The following ERC2 variants were observed in gnomAD, a reference collection of about 807,000 sequenced individuals.
ERC2 encodes the protein ERC protein 2.
In ERC2, 42 loss-of-function variants were observed where a neutral mutation model predicts 114.8. That is an observed-to-expected ratio of 0.37 (90% CI 0.29 to 0.47). ERC2 has a LOEUF of 0.47. Among genes scored for constraint, ERC2 ranks in the 20% least tolerant of loss-of-function variants. The pLI is 0.99. For missense variants in ERC2, 939 were observed against 1,150.7 expected, an observed-to-expected ratio of 0.82 and a Z score of 2.66; for synonymous variants, 454 against 425.5, an observed-to-expected ratio of 1.07 and a Z score of -0.82.
intron 15 of ERC2, among the ~76,000 whole-genome samples, chr3:55,701,784 T>A (rs2063236206): frequency 1.3e-5 from 2 of 152,152 alleles, no homozygotes; most frequent in Admixed American, 1.3e-4. Context: ...CCATTGCACA[T>A]GAGATTCTGA....
chr3:56,396,510 G>A (rs1346101350), intron 2 of ERC2, among the ~76,000 whole-genome samples: 1 of 152,160 alleles, frequency 6.6e-6, no homozygotes, highest in African/African-American at 2.4e-5. Flanking sequence ...AGGTGGCCAA[G>A]ATGTATTGTT....
At chr3:56,033,308 T>G (rs1176374397) in intron 7 of ERC2, among the ~76,000 whole-genome samples, 2 of 152,176 alleles carry the variant, frequency 1.3e-5, no homozygotes, top group Non-Finnish European at 2.9e-5. Context: ...GTAGCTATAG[T>G]TATTTTTAAT....
chr3:55,733,542 T>TCTCACACACACA (rs377515133), intron 15 of ERC2, among the ~76,000 whole-genome samples: 55 of 107,888 alleles, frequency 5.1e-4, no homozygotes, highest in Admixed American at 3.8e-3. Context: ...TCTCTCTCTC[T>TCTCACACACACA]CACACACACA....
At chr3:55,546,331 T>A (rs572758676) in intron 17 of ERC2, among the ~76,000 whole-genome samples, 6 of 152,230 alleles carry the variant, frequency 3.9e-5, no homozygotes, top group Admixed American at 3.3e-4. Flanking sequence ...CTGGCAAGAC[T>A]TTGTTTAAAT....
intron 14 of ERC2, among the ~76,000 whole-genome samples, chr3:55,800,423 T>A (rs970943280): frequency 6.6e-6 from 1 of 152,140 alleles, no homozygotes; most frequent in Non-Finnish European, 1.5e-5. Flanking sequence ...ATTACAGGTG[T>A]GAGCCACCGC....
chr3:55,560,101 C>T (rs1185589044), intron 17 of ERC2, among the ~76,000 whole-genome samples: 1 of 152,108 alleles, frequency 6.6e-6, no homozygotes, highest in East Asian at 1.9e-4. Flanking sequence ...CTCAGCAGCC[C>T]CTTGCTTCTT....
chr3:55,954,401 C>G (rs1242541126), intron 12 of ERC2, among the ~76,000 whole-genome samples: 3 of 152,136 alleles, frequency 2.0e-5, no homozygotes, highest in Non-Finnish European at 2.9e-5. Context: ...TCAGAGAGAA[C>G]AGAATCCTGC....
chr3:56,206,200 C>T lies in ERC2; in HGVS notation c.1075-32680G>A, dbSNP rs112678495. On this transcript the variant is annotated intron_variant, in intron 3 of 17. Transcript: ENST00000288221. ...AGAAAAACACACACACACACACACA[C>T]ATACACACACACACACACACTCACA... Among the ~76,000 whole-genome samples the T allele has an allele frequency of 8.3e-3, 453 of 54,260 alleles. 2 individuals are homozygous for T. Among genetic ancestry groups the T allele is most frequent in the African/African-American group, 0.022 (355 of 15,908 alleles). The allele number at this position is 54,260 out of a possible 152,430, so 35.6% of individuals were successfully genotyped here. A position where few individuals can be genotyped will look rare whatever the true frequency, so the allele number is the denominator to read the frequency against.
chr3:56,254,335 C>CTT (rs71621808), intron 3 of ERC2, among the ~76,000 whole-genome samples: 84 of 149,570 alleles, frequency 5.6e-4, no homozygotes, highest in Non-Finnish European at 1.1e-3. Flanking sequence ...CCTTAAACCC[C>CTT]TTTTTTTTTT....
intron 2 of ERC2, among the ~76,000 whole-genome samples, chr3:56,305,998 C>T (rs1224530893): frequency 1.3e-5 from 2 of 152,034 alleles, no homozygotes; most frequent in African/African-American, 2.4e-5. Context: ...TACAGGCATG[C>T]ACCACCATGC....
At chr3:55,572,073 C>T (rs1434042923) in intron 17 of ERC2, among the ~76,000 whole-genome samples, 2 of 152,198 alleles carry the variant, frequency 1.3e-5, no homozygotes, top group East Asian at 1.9e-4. Context: ...AGACTGACGG[C>T]GTTCCTGAGG....
chr3:56,341,352 A>G (rs995199152), intron 2 of ERC2, among the ~76,000 whole-genome samples: 10 of 152,180 alleles, frequency 6.6e-5, no homozygotes, highest in Admixed American at 2.6e-4. Context: ...TATTCTGCCA[A>G]TTAAAAACAG....
chr3:55,513,129 G>A (rs930834719), intron 17 of ERC2, among the ~76,000 whole-genome samples: 6 of 152,156 alleles, frequency 3.9e-5, no homozygotes, highest in African/African-American at 1.2e-4. Flanking sequence ...CCAACTCTGC[G>A]CTTTCAACGC....
intron 16 of ERC2, among the ~76,000 whole-genome samples, chr3:55,694,314 C>T (rs778472205): frequency 5.9e-5 from 9 of 152,106 alleles, no homozygotes; most frequent in Non-Finnish European, 1.0e-4. Flanking sequence ...TCCTACTTCC[C>T]GAAGCTACTA....
intron 6 of ERC2, among the ~76,000 whole-genome samples, chr3:56,121,184 G>A (rs988213189): frequency 1.3e-5 from 2 of 152,008 alleles, no homozygotes; most frequent in Admixed American, 6.6e-5. Flanking sequence ...AATTTACTAA[G>A]ACAAAACTTA....
intron 3 of ERC2, among the ~76,000 whole-genome samples, chr3:56,179,904 A>G (rs1288652761): frequency 1.3e-5 from 2 of 152,150 alleles, no homozygotes; most frequent in African/African-American, 4.8e-5. Context: ...GGATCAGTGA[A>G]TAGACAGTAT....
chr3:56,174,568 T>C (rs1575687659), intron 3 of ERC2, among the ~76,000 whole-genome samples: 2 of 152,214 alleles, frequency 1.3e-5, no homozygotes, highest in East Asian at 3.8e-4. Context: ...CATTTACTTT[T>C]TTTAAAAAAG....
chr3:56,426,131 T>A (rs998448443), intron 2 of ERC2, among the ~76,000 whole-genome samples: 4 of 152,222 alleles, frequency 2.6e-5, no homozygotes, highest in African/African-American at 9.6e-5. Flanking sequence ...TTGGGTTTCA[T>A]TGGCCAGATA....
At chr3:56,232,330 T>C (rs1040368174) in intron 3 of ERC2, among the ~76,000 whole-genome samples, 2 of 151,756 alleles carry the variant, frequency 1.3e-5, no homozygotes, top group Non-Finnish European at 2.9e-5. Context: ...CACTCTAAAA[T>C]AAAAATAAAT....
Sources: gnomAD v4.1 joint callset for allele counts (sites outside exome capture counted in the v4.1 genomes callset) on GRCh38, gnomAD v4.1.1 for gene constraint, MANE v1.5 for transcripts, NCBI Gene and HGNC (gene_info 2026-07-23, HGNC 2026-07-21) for gene names.